The following UNC5D variants were observed in gnomAD, a reference collection of about 807,000 sequenced individuals.
The protein encoded by UNC5D is netrin receptor UNC5D.
Under a neutral mutation model 105.4 loss-of-function variants are expected in UNC5D, and 39 were observed. The observed-to-expected ratio is 0.37, with a 90% confidence interval of 0.29 to 0.48. The LOEUF (loss-of-function observed/expected upper bound fraction) is 0.48. Among genes scored for constraint, UNC5D ranks in the 20% least tolerant of loss-of-function variants. The probability of loss-of-function intolerance (pLI) is 0.98; values close to 1 mark genes in which losing one functional copy is unlikely to be tolerated. For missense variants in UNC5D, 991 were observed against 1,202.4 expected, an observed-to-expected ratio of 0.82 and a Z score of 2.60; for synonymous variants, 452 against 450.4, an observed-to-expected ratio of 1.00 and a Z score of -0.04.
chr8:35,327,182 T>C (rs971371840), intron 1 of UNC5D, among the ~76,000 whole-genome samples: 1 of 152,184 alleles, frequency 6.6e-6, no homozygotes, highest in African/African-American at 2.4e-5. Context: ...AACATATAGC[T>C]GTAATGATAT....
At chr8:35,409,786 C>T (rs1301121658) in intron 1 of UNC5D, among the ~76,000 whole-genome samples, 4 of 152,104 alleles carry the variant, frequency 2.6e-5, no homozygotes, top group African/African-American at 7.2e-5. Context: ...CTTGATGTCA[C>T]ATCTAAACCC....
rs144613063 is a variant in UNC5D at position 35,406,188 on chromosome 8, G to A, written c.104-143104G>A. On this transcript the variant is annotated intron_variant, in intron 1 of 16. Transcript: ENST00000404895. The stretch of plus-strand genomic sequence containing the variant: ...TCCAATTATAATTACTTTTTAAAAA[G>A]GCCTTTAAAAATAACTGAATTATCT... Among the ~76,000 whole-genome samples, 216 of 152,010 alleles carry A rather than the reference G, an allele frequency of 1.4e-3. 2 individuals carry two copies. In the East Asian group the frequency reaches 0.032, roughly 23 times the overall value.
At chr8:35,440,993 G>A (rs908862106) in intron 1 of UNC5D, among the ~76,000 whole-genome samples, 5 of 151,936 alleles carry the variant, frequency 3.3e-5, no homozygotes, top group Non-Finnish European at 7.4e-5. Flanking sequence ...CATTTTATAT[G>A]TTTTCTAAAA....
chr8:35,284,282 G>A (rs956670927), intron 1 of UNC5D, among the ~76,000 whole-genome samples: 2 of 152,130 alleles, frequency 1.3e-5, no homozygotes, highest in Admixed American at 6.5e-5. Flanking sequence ...AAACATAGAG[G>A]TTAAAAAGCC....
chr8:35,400,645 T>G (rs1563380568), intron 1 of UNC5D, among the ~76,000 whole-genome samples: 1 of 152,198 alleles, frequency 6.6e-6, no homozygotes, highest in African/African-American at 2.4e-5. Context: ...TTGGTTTTTA[T>G]CAGGTTACAC....
chr8:35,517,318 G>A (rs1441359278), intron 1 of UNC5D, among the ~76,000 whole-genome samples: 2 of 152,190 alleles, frequency 1.3e-5, no homozygotes, highest in African/African-American at 4.8e-5. Context: ...ACTAGAAAGG[G>A]TAGGAACCAA....
At chr8:35,744,712 G>A (rs1829919922) in intron 11 of UNC5D, among the ~76,000 whole-genome samples, 2 of 152,096 alleles carry the variant, frequency 1.3e-5, no homozygotes, top group African/African-American at 4.8e-5. Flanking sequence ...CAGCGGGCAT[G>A]TATGAAGCAC....
chr8:35,467,572 C>CAAAAAAAAAAAAAAAAAAAGA (rs1809395330), intron 1 of UNC5D, among the ~76,000 whole-genome samples: 2 of 42,538 alleles, frequency 4.7e-5, no homozygotes, highest in African/African-American at 7.1e-5. Context: ...CTATGACAGG[C>CAAAAAAAAAAAAAAAAAAAGA]AAAAAAAAAA....
intron 16 of UNC5D, among the ~76,000 whole-genome samples, chr8:35,789,906 A>G (rs1802956312): frequency 2.0e-5 from 3 of 151,128 alleles, no homozygotes; most frequent in Non-Finnish European, 4.4e-5. Context: ...ACACACACAC[A>G]CACACACACA....
intron 1 of UNC5D, among the ~76,000 whole-genome samples, chr8:35,477,289 G>A (rs578163697): frequency 6.6e-6 from 1 of 150,962 alleles, no homozygotes; most frequent in East Asian, 1.9e-4. Context: ...ATAACTTCTA[G>A]TTTGAATAAT....
chr8:35,641,217 TCTC>T (rs1467460165), intron 4 of UNC5D, among the ~76,000 whole-genome samples: 1 of 151,884 alleles, frequency 6.6e-6, no homozygotes, highest in African/African-American at 2.4e-5. Flanking sequence ...TTGATATTCA[TCTC>T]CTCATTTGAT....
chr8:35,617,959 A>G (rs1316444938), intron 4 of UNC5D, among the ~76,000 whole-genome samples: 3 of 152,222 alleles, frequency 2.0e-5, no homozygotes, highest in African/African-American at 4.8e-5. Flanking sequence ...AATCATGTGC[A>G]ATATTTCTCA....
chr8:35,464,207 A>G (rs561523787), intron 1 of UNC5D, among the ~76,000 whole-genome samples: 4 of 152,178 alleles, frequency 2.6e-5, no homozygotes, highest in African/African-American at 7.2e-5. Flanking sequence ...GGTACCTGTA[A>G]TCCTAGTTAC....
intron 4 of UNC5D, among the ~76,000 whole-genome samples, chr8:35,666,646 C>T (rs527548974): frequency 7.2e-5 from 11 of 152,104 alleles, no homozygotes; most frequent in African/African-American, 2.2e-4. Context: ...AGATGAGAAA[C>T]GTAAACACCC....
intron 1 of UNC5D, among the ~76,000 whole-genome samples, chr8:35,505,626 A>G (rs549979017): frequency 1.3e-5 from 2 of 152,358 alleles, no homozygotes; most frequent in East Asian, 3.9e-4. Context: ...AATTGCAGTG[A>G]GTGGGGAAAT....
intron 14 of UNC5D, among the ~76,000 whole-genome samples, chr8:35,766,700 A>G (rs952484748): frequency 6.6e-6 from 1 of 152,218 alleles, no homozygotes; most frequent in African/African-American, 2.4e-5. Context: ...CATTAATTAC[A>G]TTTGTGCTGC....
At chr8:35,503,542 C>G (rs1585995213) in intron 1 of UNC5D, among the ~76,000 whole-genome samples, 1 of 152,146 alleles carries the variant, frequency 6.6e-6, no homozygotes, top group African/African-American at 2.4e-5. Context: ...GGGACACAGC[C>G]AAACCATATC....
chr8:35,507,105 G>C (rs984877741), intron 1 of UNC5D, among the ~76,000 whole-genome samples: 2 of 139,536 alleles, frequency 1.4e-5, no homozygotes, highest in Non-Finnish European at 3.0e-5. Flanking sequence ...GCCCAGGCTG[G>C]AGTGCAGTGG....
chr8:35,268,242 A>T (rs1385311791), intron 1 of UNC5D, among the ~76,000 whole-genome samples: 3 of 151,914 alleles, frequency 2.0e-5, no homozygotes, highest in Non-Finnish European at 2.9e-5. Flanking sequence ...TTTTAGAACA[A>T]CTTAGTGACA....
Sources: allele counts gnomAD v4.1 joint callset (sites outside exome capture counted in the v4.1 genomes callset), GRCh38; gene constraint gnomAD v4.1.1; transcripts MANE v1.5; gene names NCBI Gene and HGNC (gene_info 2026-07-23, HGNC 2026-07-21).